The following SRBD1 variants were observed in gnomAD, a reference collection of about 807,000 sequenced individuals.
SRBD1 encodes the protein S1 RNA-binding domain-containing protein 1.
SRBD1 carries 88 observed loss-of-function variants against 115.3 expected under a neutral mutation model. The ratio of observed to expected loss-of-function variants is 0.76; its 90% CI spans 0.64 to 0.91. The LOEUF is 0.91. Among genes scored for constraint, SRBD1 ranks in the 40% least tolerant of loss-of-function variants. The pLI, the probability that SRBD1 is intolerant of heterozygous loss-of-function variation, is 0.00. For missense variants in SRBD1, 1,385 were observed against 1,177.4 expected, an observed-to-expected ratio of 1.18 and a Z score of -2.58; for synonymous variants, 509 against 407.7, an observed-to-expected ratio of 1.25 and a Z score of -2.99.
chr2:45,433,930 G>T (rs1174151016), intron 16 of SRBD1, among the ~76,000 whole-genome samples: 1 of 152,184 alleles, frequency 6.6e-6, no homozygotes, highest in Non-Finnish European at 1.5e-5. Context: ...ATAAGGCTCT[G>T]GGATTAAGAT....
intron 16 of SRBD1, among the ~76,000 whole-genome samples, chr2:45,455,563 T>C (rs1357594984): frequency 6.6e-6 from 1 of 151,794 alleles, no homozygotes; most frequent in African/African-American, 2.4e-5. Context: ...GGAAAGCCAT[T>C]ATCCTAACTC....
chr2:45,501,787 C>T (rs1670639281), intron 14 of SRBD1, among the ~76,000 whole-genome samples: 1 of 152,168 alleles, frequency 6.6e-6, no homozygotes, highest in African/African-American at 2.4e-5. Context: ...AACAAAGCAG[C>T]TGGGAAGCTC....
intron 9 of SRBD1, among the ~76,000 whole-genome samples, chr2:45,566,109 G>C (rs1237487120): frequency 6.6e-6 from 1 of 152,174 alleles, no homozygotes; most frequent in African/African-American, 2.4e-5. Flanking sequence ...CAAACCGCTG[G>C]TGAGAATGTA....
At position 45,607,792 on chromosome 2, in the gene SRBD1, A is replaced by T. The variant is rs1260574248; in HGVS notation, c.1-2351T>A. Reference sequence around the variant, plus strand: ...AAAAGACTGTAAGTTTATTCTCTGGAGAAGGTATTAATGAAACAGTCTAGA... The same window carrying T: ...AAAAGACTGTAAGTTTATTCTCTGGTGAAGGTATTAATGAAACAGTCTAGA... On this transcript the variant is annotated intron_variant, in intron 1 of 20. Coordinates refer to ENST00000263736, the MANE Select transcript of SRBD1 (RefSeq NM_018079.5). 2.0e-5 allele frequency among the ~76,000 whole-genome samples: 3 copies of T among 152,312 alleles called. No homozygotes were observed. The East Asian group carries it at 5.8e-4, about 29-fold the overall frequency.
At chr2:45,461,660 C>T (rs999786016) in intron 16 of SRBD1, among the ~76,000 whole-genome samples, 3 of 151,858 alleles carry the variant, frequency 2.0e-5, no homozygotes, top group African/African-American at 7.3e-5. Flanking sequence ...ATTCAACTGC[C>T]CCCCCCAACT....
At chr2:45,603,310 T>G (rs1026629364) in intron 2 of SRBD1, among the ~76,000 whole-genome samples, 1 of 152,178 alleles carries the variant, frequency 6.6e-6, no homozygotes, top group Non-Finnish European at 1.5e-5. Flanking sequence ...ACTTGAGCTC[T>G]CAGGAGCATC....
chr2:45,581,343 C>T (rs1348295159), intron 6 of SRBD1, among the ~76,000 whole-genome samples: 3 of 152,156 alleles, frequency 2.0e-5, no homozygotes, highest in African/African-American at 4.8e-5. Context: ...TGAGTTCTTC[C>T]ATTCTCATGG....
At chr2:45,431,627 G>A (rs558416231) in intron 16 of SRBD1, among the ~76,000 whole-genome samples, 1 of 152,166 alleles carries the variant, frequency 6.6e-6, no homozygotes, top group African/African-American at 2.4e-5. Flanking sequence ...GGGCCTGTCA[G>A]GGGGTGGAAG....
intron 9 of SRBD1, among the ~76,000 whole-genome samples, chr2:45,567,574 A>G (rs941514208): frequency 6.6e-6 from 1 of 151,846 alleles, no homozygotes; most frequent in Non-Finnish European, 1.5e-5. Context: ...CTGCCACTGC[A>G]CTCCAGCCTG....
At chr2:45,595,883 C>T (rs551868431) in intron 4 of SRBD1, among the ~76,000 whole-genome samples, 1 of 152,146 alleles carries the variant, frequency 6.6e-6, no homozygotes, top group South Asian at 2.1e-4. Context: ...TAATTGCCAT[C>T]AGATTGCTCA....
chr2:45,427,508 A>C (rs1668191938), intron 16 of SRBD1, among the ~76,000 whole-genome samples: 1 of 152,232 alleles, frequency 6.6e-6, no homozygotes, highest in Admixed American at 6.5e-5. Flanking sequence ...TTAAACCAAC[A>C]AAGATAAAAA....
intron 16 of SRBD1, among the ~76,000 whole-genome samples, chr2:45,434,771 C>CTT (rs200003604): frequency 4.1e-5 from 6 of 145,508 alleles, no homozygotes; most frequent in Non-Finnish European, 6.1e-5. Flanking sequence ...CATTTTTTTT[C>CTT]TTTTTTTTTT....
Position 45,586,298 on chromosome 2 carries a change from A to G in SRBD1, c.649-524T>C, listed in dbSNP as rs144209488. 2.8e-3 allele frequency among the ~76,000 whole-genome samples: 419 copies of G among 152,318 alleles called. 2 individuals carry two copies. The highest frequency in any genetic ancestry group is 3.0e-3 in the Non-Finnish European group (204 of 68,022). ...TTTTTTGAAGAACTGTCCCTAGCAGAGTAAAGGTGAGCAAAAACCTAAGTT... is the reference window on the plus strand; with the variant it reads ...TTTTTTGAAGAACTGTCCCTAGCAGGGTAAAGGTGAGCAAAAACCTAAGTT... On this transcript the variant is annotated intron_variant, in intron 4 of 20. Coordinates refer to ENST00000263736, the MANE Select transcript of SRBD1 (RefSeq NM_018079.5).
chr2:45,466,491 C>T (rs1669494348), intron 16 of SRBD1, among the ~76,000 whole-genome samples: 1 of 152,164 alleles, frequency 6.6e-6, no homozygotes, highest in Non-Finnish European at 1.5e-5. Context: ...CATTTGTATA[C>T]ACTTGTCTCT....
chr2:45,551,914 C>A (rs1672313505), intron 11 of SRBD1, among the ~76,000 whole-genome samples: 1 of 152,040 alleles, frequency 6.6e-6, no homozygotes, highest in Non-Finnish European at 1.5e-5. Context: ...TTGGAAAAGA[C>A]AAGACAGAAG....
chr2:45,447,087 G>C (rs1668848424), intron 16 of SRBD1: 1 of 152,150 alleles, frequency 6.6e-6, no homozygotes, highest in African/African-American at 2.4e-5. Flanking sequence ...TCTCCTTAAA[G>C]AGTTTAAAGC....
At chr2:45,550,847 T>A (rs546044872) in intron 12 of SRBD1, among the ~76,000 whole-genome samples, 1 of 152,296 alleles carries the variant, frequency 6.6e-6, no homozygotes, top group Non-Finnish European at 1.5e-5. Context: ...TAGAATCTGA[T>A]GGGGAATTAA....
chr2:45,602,854 A>C (rs748466889), intron 2 of SRBD1, among the ~76,000 whole-genome samples: 7 of 152,180 alleles, frequency 4.6e-5, no homozygotes, highest in Non-Finnish European at 8.8e-5. Flanking sequence ...TTTAATGTTA[A>C]GTTCTTGCTG....
At chr2:45,478,856 T>C (rs1011951442) in intron 15 of SRBD1, among the ~76,000 whole-genome samples, 5 of 152,188 alleles carry the variant, frequency 3.3e-5, no homozygotes, top group Non-Finnish European at 7.3e-5. Flanking sequence ...TTTTGCTTTA[T>C]TGTGCTTCTC....
Sources: gnomAD v4.1 joint callset for allele counts (sites outside exome capture counted in the v4.1 genomes callset) on GRCh38, gnomAD v4.1.1 for gene constraint, MANE v1.5 for transcripts, NCBI Gene and HGNC (gene_info 2026-07-23, HGNC 2026-07-21) for gene names.